DNAJC24: variants seen among roughly 807,000 people sequenced by gnomAD.
DNAJC24 encodes the protein DnaJ heat shock protein family (Hsp40) member C24, also known as dnaJ homolog subfamily C member 24.
A neutral mutation model predicts 18.0 loss-of-function variants in DNAJC24; 17 were observed. The observed-to-expected ratio is 0.94, with a 90% CI of 0.65 to 1.42. The LOEUF is 1.42. Ranked by LOEUF, DNAJC24 falls within the 40% of genes most tolerant of loss-of-function variation. The probability of loss-of-function intolerance (pLI) is 0.00; values close to 1 mark genes in which losing one functional copy is unlikely to be tolerated. For missense variants in DNAJC24, 158 were observed against 175.6 expected (o/e 0.90, Z 0.57); for synonymous variants, 55 against 57.7 (o/e 0.95, Z 0.21).
intron 2 of DNAJC24, among the ~76,000 whole-genome samples, chr11:31,387,125 C>G (rs893683346): frequency 6.6e-6 from 1 of 152,128 alleles, no homozygotes; most frequent in African/African-American, 2.4e-5. Flanking sequence ...AACTCCGGGC[C>G]CTGGTCCCAG....
intron 2 of DNAJC24, among the ~76,000 whole-genome samples, chr11:31,378,574 C>A (rs1290722108): frequency 1.3e-5 from 2 of 151,592 alleles, no homozygotes; most frequent in Non-Finnish European, 2.9e-5. Context: ...TACTGACTAG[C>A]AGCAAGAAAT....
rs1047534166 is a variant in DNAJC24 at position 31,431,589 on chromosome 11, A to C, written c.*1188A>C. The C allele has an allele frequency of 6.6e-6, 1 of 151,406 alleles. No homozygotes were observed. The highest frequency in any genetic ancestry group is 2.4e-5 in the African/African-American group (1 of 41,278). 9.4% of individuals were successfully genotyped at this position (151,406 alleles called of 1,614,324 possible). A position where few individuals can be genotyped will look rare whatever the true frequency, so the allele number is the denominator to read the frequency against. ...CACTTTGGGAGACTAAGGCAGGCGGATCACCTTTGGTCAGGAGTTCAAGAC... is the reference window on the plus strand; with the variant it reads ...CACTTTGGGAGACTAAGGCAGGCGGCTCACCTTTGGTCAGGAGTTCAAGAC... On this transcript the variant is annotated 3_prime_UTR_variant, in exon 5 of 5. Transcript: ENST00000465995.
At position 31,373,561 on chromosome 11, in the gene DNAJC24, A is replaced by G. The variant is rs551723850; in HGVS notation, c.111+2702A>G. 1.3e-4 allele frequency among the ~76,000 whole-genome samples: 17 copies of G among 135,144 alleles called. 2 individuals are homozygous for G. Among genetic ancestry groups the G allele is most frequent in the South Asian group, 1.2e-3 (5 of 4,060 alleles). 88.7% of individuals were successfully genotyped at this position (135,144 alleles called of 152,430 possible). ...TTCTCTAATATTATCCTTCTTTTCC[A>G]GTTTATTTCGGTTATTCTAGTTTGC... On this transcript the variant is annotated intron_variant, in intron 2 of 4. Transcript: ENST00000465995.
At chr11:31,388,995 C>A (rs1314487180) in intron 2 of DNAJC24, among the ~76,000 whole-genome samples, 2 of 151,710 alleles carry the variant, frequency 1.3e-5, no homozygotes. Context: ...AACCTCAAAT[C>A]AAAAAACATA....
chr11:31,426,542 C>T, intron 4 of DNAJC24, 187 bp downstream of exon 4: 2 of 463,540 alleles, frequency 4.3e-6, no homozygotes, highest in Non-Finnish European at 7.5e-6. Context: ...GACTGATGTC[C>T]CCCTATATGA....
chr11:31,403,255 A>G (rs1022413744), intron 2 of DNAJC24, among the ~76,000 whole-genome samples: 1 of 152,062 alleles, frequency 6.6e-6, no homozygotes, highest in East Asian at 1.9e-4. Flanking sequence ...CACCAAAGCC[A>G]AACAGTTACA....
chr11:31,400,584 A>G (rs1371218482), intron 2 of DNAJC24, among the ~76,000 whole-genome samples: 5 of 152,162 alleles, frequency 3.3e-5, no homozygotes, highest in Non-Finnish European at 7.3e-5. Context: ...CACATCTACA[A>G]CCATCTGATC....
chr11:31,387,390 C>A (rs1485276400), intron 2 of DNAJC24, among the ~76,000 whole-genome samples: 1 of 152,094 alleles, frequency 6.6e-6, no homozygotes, highest in African/African-American at 2.4e-5. Flanking sequence ...CAGCTCCAGG[C>A]AGCTTAGCAC....
intron 3 of DNAJC24, among the ~76,000 whole-genome samples, chr11:31,425,021 A>G (rs1203537298): frequency 6.6e-6 from 1 of 151,824 alleles, no homozygotes. Flanking sequence ...ATACAAGCAT[A>G]CAGGAAATAT....
chr11:31,399,216 C>A (rs1254801953), intron 2 of DNAJC24, among the ~76,000 whole-genome samples: 2 of 152,068 alleles, frequency 1.3e-5, no homozygotes, highest in Non-Finnish European at 2.9e-5. Flanking sequence ...AGAAAAAAGG[C>A]ATGTTACTAA....
chr11:31,372,450 C>G lies in DNAJC24; in HGVS notation c.111+1591C>G, dbSNP rs745572239. Among the ~76,000 whole-genome samples, 28 of 134,406 alleles carry G rather than the reference C, an allele frequency of 2.1e-4. 7 individuals carry two copies. The highest frequency in any genetic ancestry group is 4.5e-4 in the Non-Finnish European group (26 of 58,194). 88.2% of individuals were successfully genotyped at this position (134,406 alleles called of 152,430 possible). On this transcript the variant is annotated intron_variant, in intron 2 of 4. Coordinates refer to ENST00000465995, the MANE Select transcript of DNAJC24 (RefSeq NM_181706.5). ...AAATGACCTTAAGGTACCTTTTGCC[C>G]CAGAAGTTTTAAAGTTTCTGTCAGC...
chr11:31,403,744 C>T (rs1199181615), intron 2 of DNAJC24, among the ~76,000 whole-genome samples: 1 of 152,060 alleles, frequency 6.6e-6, no homozygotes, highest in East Asian at 1.9e-4. Flanking sequence ...CAACTCAGGG[C>T]CGTATATTAA....
intron 2 of DNAJC24, among the ~76,000 whole-genome samples, chr11:31,371,580 T>C (rs1952254956): frequency 6.6e-6 from 1 of 152,154 alleles, no homozygotes; most frequent in Non-Finnish European, 1.5e-5. Context: ...TTCTTTGTAG[T>C]TAATAATCAA....
intron 3 of DNAJC24, among the ~76,000 whole-genome samples, chr11:31,422,990 G>T (rs746218004): frequency 2.0e-5 from 3 of 151,954 alleles, no homozygotes; most frequent in Non-Finnish European, 2.9e-5. Context: ...GTTCTCCAGG[G>T]ATCCAATTTT....
At chr11:31,408,120 T>G (rs1397350412) in intron 2 of DNAJC24, 3 of 456,060 alleles carry the variant, frequency 6.6e-6, no homozygotes, top group Admixed American at 2.4e-5. Context: ...GTTATTGGAT[T>G]TTTTCCCCCT....
chr11:31,370,760 T>C lies in DNAJC24; in HGVS notation c.12T>C (p.Val4=). The C allele has an allele frequency of 6.2e-7, 1 of 1,609,278 alleles. No homozygotes were observed. The highest frequency in any genetic ancestry group is 8.5e-7 in the Non-Finnish European group (1 of 1,178,258). The change falls in exon 2 of 5, where the codon GTT becomes GTC. Residue 4 remains valine (V), a synonymous_variant. Transcript: ENST00000465995. MMA[V]EQMPKKDWYS... ...TTCTGGTTCCATGGATGATGGCGGT[T>C]GAGCAGATGCCAAAAAAGGATTGGT...
At chr11:31,394,862 A>G (rs1045002692) in intron 2 of DNAJC24, among the ~76,000 whole-genome samples, 1 of 152,194 alleles carries the variant, frequency 6.6e-6, no homozygotes, top group African/African-American at 2.4e-5. Context: ...TCATGCATTA[A>G]AATACAAAAA....
At chr11:31,416,624 C>T (rs1952753496) in intron 3 of DNAJC24, 2 of 152,054 alleles carry the variant, frequency 1.3e-5, no homozygotes, top group Admixed American at 1.3e-4. Context: ...CACTCCACAG[C>T]CTGTGTACTA....
chr11:31,410,615 A>C (rs1200725123), intron 2 of DNAJC24, among the ~76,000 whole-genome samples: 1 of 152,228 alleles, frequency 6.6e-6, no homozygotes, highest in Non-Finnish European at 1.5e-5. Context: ...CTACCCTAAG[A>C]GGCAAAGATA....
Sources: gnomAD v4.1 joint callset for allele counts (sites outside exome capture counted in the v4.1 genomes callset) on GRCh38, gnomAD v4.1.1 for gene constraint, MANE v1.5 for transcripts, NCBI Gene and HGNC (gene_info 2026-07-23, HGNC 2026-07-21) for gene names.